PTCHD4: variants seen among roughly 807,000 people sequenced by gnomAD.
The protein encoded by PTCHD4 is patched domain containing 4, also known as patched domain-containing protein 4.
Under a neutral mutation model 58.1 loss-of-function variants are expected in PTCHD4, and 33 were observed. The observed-to-expected ratio is 0.57, with a 90% confidence interval of 0.43 to 0.76. The LOEUF is 0.76. Among genes scored for constraint, PTCHD4 ranks in the 30% least tolerant of loss-of-function variants. PTCHD4 has a pLI of 0.00. For missense variants in PTCHD4, 1,058 were observed against 1,027.1 expected (o/e 1.03, Z -0.41); for synonymous variants, 478 against 409.6 (o/e 1.17, Z -2.02).
chr6:47,967,486 A>T (rs1657161779), intron 4 of PTCHD4, among the ~76,000 whole-genome samples: 1 of 152,202 alleles, frequency 6.6e-6, no homozygotes, highest in Non-Finnish European at 1.5e-5. Context: ...AGCCCTTAAC[A>T]CGAGTCAGCC....
intron 4 of PTCHD4, among the ~76,000 whole-genome samples, chr6:47,971,747 GCCA>G (rs1767520244): frequency 6.6e-6 from 1 of 152,104 alleles, no homozygotes; most frequent in Non-Finnish European, 1.5e-5. Context: ...AAGAAACAAG[GCCA>G]CCATCACTGG....
chr6:47,887,726 C>T (rs73736544), intron 4 of PTCHD4, among the ~76,000 whole-genome samples: 3,878 of 152,204 alleles, frequency 0.025, 162 homozygotes, highest in African/African-American at 0.088. Flanking sequence ...CCCATAATGT[C>T]TAGTCTTGAG....
chr6:48,000,264 G>A (rs901912596), intron 4 of PTCHD4, among the ~76,000 whole-genome samples: 2 of 152,144 alleles, frequency 1.3e-5, no homozygotes, highest in African/African-American at 4.8e-5. Context: ...TGTTATTACA[G>A]CATAGTCTAG....
At chr6:48,106,992 GA>G (rs1485980012) in intron 1 of PTCHD4, among the ~76,000 whole-genome samples, 9 of 152,182 alleles carry the variant, frequency 5.9e-5, no homozygotes, top group Non-Finnish European at 1.3e-4. Flanking sequence ...TCGTGGGTAG[GA>G]AGAATCAATA....
intron 4 of PTCHD4, among the ~76,000 whole-genome samples, chr6:47,881,333 A>T: frequency 6.6e-6 from 1 of 152,296 alleles, no homozygotes; most frequent in African/African-American, 2.4e-5. Context: ...TGAGACTACA[A>T]TGTACATACT....
chr6:47,879,666 GCAAA>G lies in PTCHD4; in HGVS notation c.1165_1168del (p.Phe389LeufsTer4). On this transcript the variant is annotated frameshift_variant, in exon 5 of 5. Coordinates refer to ENST00000339488, the MANE Select transcript of PTCHD4 (RefSeq NM_001384253.1). LOFTEE classifies it high-confidence loss of function. ...GTAGCGGTTTTGCTCTAGTTGGCCAGCAAAGACCAGACAGGAGCCAAAGAAGGAG... is the reference window on the plus strand; with the variant it reads ...GTAGCGGTTTTGCTCTAGTTGGCCAGGACCAGACAGGAGCCAAAGAAGGAG... 1.2e-6 allele frequency: 2 copies of G among 1,613,436 alleles called. No homozygotes were observed. The highest frequency in any genetic ancestry group is 1.7e-6 in the Non-Finnish European group (2 of 1,179,660).
chr6:47,907,181 A>G (rs1764916070), intron 4 of PTCHD4, among the ~76,000 whole-genome samples: 1 of 152,208 alleles, frequency 6.6e-6, no homozygotes, highest in Non-Finnish European at 1.5e-5. Context: ...GGAACAGAGA[A>G]AACTTTTCTC....
rs1320558587 is a variant in PTCHD4 at position 47,857,936 on chromosome 6, G to C, written c.*20367C>G. Among the ~76,000 whole-genome samples, 1 of 151,864 alleles carries C rather than the reference G, an allele frequency of 6.6e-6. No individual in the cohort carries two copies. The highest frequency in any genetic ancestry group is 6.6e-5 in the Admixed American group (1 of 15,226). ...ATATCAAGGTACACATATGTACCTT[G>C]AAGACTAACAATAACATGTTTAAGG... On this transcript the variant is annotated 3_prime_UTR_variant, in exon 5 of 5. Coordinates refer to ENST00000339488, the MANE Select transcript of PTCHD4 (RefSeq NM_001384253.1).
At chr6:48,077,232 C>A (rs909498755) in intron 1 of PTCHD4, among the ~76,000 whole-genome samples, 17 of 152,134 alleles carry the variant, frequency 1.1e-4, no homozygotes, top group African/African-American at 4.1e-4. Context: ...TTCTTAAGGG[C>A]CCTAGGATTT....
At chr6:47,901,821 T>G in intron 4 of PTCHD4, 5 of 1,289,114 alleles carry the variant, frequency 3.9e-6, no homozygotes, top group Non-Finnish European at 5.1e-6. Context: ...TCTTCACATA[T>G]AATCTTCCAA....
chr6:48,015,388 G>T (rs1762833369), intron 3 of PTCHD4, among the ~76,000 whole-genome samples: 1 of 151,932 alleles, frequency 6.6e-6, no homozygotes, highest in Admixed American at 6.6e-5. Context: ...GATGCCTCTT[G>T]CCAGGCTTCA....
Position 47,878,911 on chromosome 6 carries a change from G to A in PTCHD4, c.1924C>T (p.Pro642Ser). ...SKSIRFIVFN[P>S]SFVFMDHYSL... ...TAATGGTCCATGAAGACAAAGGAGG[G>A]GTTGAACACGATGAATCGGATGCTC... Residue 642 changes from proline (P) to serine (S), a missense_variant, in exon 5 of 5, where the codon CCC becomes TCC. By Grantham distance (74) the Pro-to-Ser change is moderately conservative. Transcript: ENST00000339488. 5 of 1,613,472 alleles carry A rather than the reference G, an allele frequency of 3.1e-6. No individual in the cohort carries two copies. Among genetic ancestry groups the A allele is most frequent in the Non-Finnish European group, 4.2e-6 (5 of 1,179,756 alleles).
chr6:47,874,305 A>G lies in PTCHD4; in HGVS notation c.*3998T>C, dbSNP rs763224646. 1.3e-5 allele frequency among the ~76,000 whole-genome samples: 2 copies of G among 151,730 alleles called. No individual in the cohort carries two copies. The highest frequency in any genetic ancestry group is 2.4e-5 in the African/African-American group (1 of 41,384). On this transcript the variant is annotated 3_prime_UTR_variant, in exon 5 of 5. Transcript: ENST00000339488. Reference sequence around the variant, plus strand: ...CTTTAGGCCCTTAAGACCAAAAGCCATGAGGCATTTATGAATAGGTGATGT... The same window carrying G: ...CTTTAGGCCCTTAAGACCAAAAGCCGTGAGGCATTTATGAATAGGTGATGT...
At chr6:48,034,193 C>T (rs1763549679) in intron 3 of PTCHD4, among the ~76,000 whole-genome samples, 2 of 152,070 alleles carry the variant, frequency 1.3e-5, no homozygotes, top group South Asian at 4.1e-4. Context: ...ATACTGTAAG[C>T]TTTTGACTAA....
At chr6:47,929,886 T>C (rs1359394992) in intron 4 of PTCHD4, among the ~76,000 whole-genome samples, 1 of 152,250 alleles carries the variant, frequency 6.6e-6, no homozygotes, top group Non-Finnish European at 1.5e-5. Flanking sequence ...CCCTCACAGA[T>C]TGGTGAATCG....
intron 4 of PTCHD4, chr6:47,899,586 G>T (rs1739572135): frequency 1.0e-6 from 1 of 982,618 alleles, no homozygotes; most frequent in Non-Finnish European, 1.2e-6. Context: ...TAGAAAAAAA[G>T]AAATGGAAAG....
At chr6:48,020,362 G>A (rs1763022551) in intron 3 of PTCHD4, among the ~76,000 whole-genome samples, 2 of 152,146 alleles carry the variant, frequency 1.3e-5, no homozygotes, top group Admixed American at 6.5e-5. Flanking sequence ...CACTTCTGGA[G>A]TGTTGAGGGA....
intron 1 of PTCHD4, among the ~76,000 whole-genome samples, chr6:48,108,865 A>G (rs1040087602): frequency 4.0e-5 from 6 of 151,888 alleles, no homozygotes; most frequent in Non-Finnish European, 5.9e-5. Flanking sequence ...ATTAATAAAC[A>G]AAATATTAAA....
At chr6:48,001,147 G>A (rs947143858) in intron 4 of PTCHD4, among the ~76,000 whole-genome samples, 2 of 152,160 alleles carry the variant, frequency 1.3e-5, no homozygotes, top group African/African-American at 4.8e-5. Flanking sequence ...CTCATGGATA[G>A]GAAGAATCAA....
Sources: gnomAD v4.1 joint callset for allele counts (sites outside exome capture counted in the v4.1 genomes callset) on GRCh38, gnomAD v4.1.1 for gene constraint, MANE v1.5 for transcripts, NCBI Gene and HGNC (gene_info 2026-07-23, HGNC 2026-07-21) for gene names.